The following ZFAND4 variants were observed in gnomAD, a reference collection of about 807,000 sequenced individuals.
ZFAND4 encodes zinc finger AN1-type containing 4, also known as AN1-type zinc finger protein 4.
Under a neutral mutation model 64.4 loss-of-function variants are expected in ZFAND4, and 43 were observed. That is an observed-to-expected ratio of 0.67 (90% CI 0.52 to 0.86). ZFAND4 has a LOEUF of 0.86. ZFAND4 is among the 40% of genes least tolerant of loss of function. ZFAND4 has a pLI of 0.00. For synonymous variants in ZFAND4, 296 were observed against 305.7 expected, an observed-to-expected ratio of 0.97 and a Z score of 0.33; for missense variants, 929 against 859.8, an observed-to-expected ratio of 1.08 and a Z score of -1.01.
chr10:45,649,650 A>G (rs2047629086), intron 4 of ZFAND4: 2 of 152,226 alleles, frequency 1.3e-5, no homozygotes, highest in African/African-American at 2.4e-5. Flanking sequence ...CTTTATGAAA[A>G]CAGTTATTTG....
At chr10:45,616,906 C>T (rs1311105477) in intron 9 of ZFAND4, among the ~76,000 whole-genome samples, 1 of 151,916 alleles carries the variant, frequency 6.6e-6, no homozygotes, top group Non-Finnish European at 1.5e-5. Context: ...TGATGAAAAC[C>T]CATCTCTATT....
chr10:45,637,351 A>AG lies in ZFAND4; in HGVS notation c.717+2464_717+2465insC, dbSNP rs1353986677. 2.0e-5 allele frequency among the ~76,000 whole-genome samples: 3 copies of AG among 151,946 alleles called. No individual in the cohort carries two copies. In the East Asian group the frequency reaches 5.8e-4, roughly 29 times the overall value. ...CAAGACTCCGTCTCAAAAAAAAAAA[A>AG]AAAAAAAATTTCAGCTGGACTAAAC... On this transcript the variant is annotated intron_variant, in intron 6 of 9. Coordinates refer to ENST00000344646, the MANE Select transcript of ZFAND4 (RefSeq NM_174890.4).
Position 45,639,834 on chromosome 10 carries a change from G to T in ZFAND4, c.699C>A (p.Asn233Lys), listed in dbSNP as rs775811496. The T allele has an allele frequency of 1.6e-5, 26 of 1,611,000 alleles. No individual in the cohort carries two copies. The highest frequency in any genetic ancestry group is 2.1e-5 in the Non-Finnish European group (25 of 1,179,178). ...GCTTCACCTTTTTGCTGAGATTCAT[G>T]TTCTTCATCTTAGCCTTCAGCAGCT... ...KMKLLKAKMK[N>K]MNLSKKPKKA... Residue 233 changes from asparagine to lysine, a missense_variant, in exon 6 of 10, where the codon AAC (asparagine) becomes AAA (lysine). Asn to Lys is a moderately conservative substitution (Grantham distance 94, BLOSUM62 0). Coordinates refer to ENST00000344646, the MANE Select transcript of ZFAND4 (RefSeq NM_174890.4).
intron 6 of ZFAND4, among the ~76,000 whole-genome samples, chr10:45,630,368 A>G (rs1045649957): frequency 1.3e-5 from 2 of 152,166 alleles, no homozygotes; most frequent in African/African-American, 4.8e-5. Flanking sequence ...ATCATCTCAG[A>G]AATGAAGACT....
intron 6 of ZFAND4, among the ~76,000 whole-genome samples, chr10:45,635,213 A>ACAAAAAAAAAAAAAAAAAAAAAAAAAC (rs2046493860): frequency 7.1e-6 from 1 of 141,544 alleles, no homozygotes; most frequent in Non-Finnish European, 1.5e-5. Flanking sequence ...AAAAAAAAAA[A>ACAAAAAAAAAAAAAAAAAAAAAAAAAC]CAAAAAAAAA....
At chr10:45,619,871 G>A (rs2045285958) in intron 8 of ZFAND4, among the ~76,000 whole-genome samples, 1 of 152,110 alleles carries the variant, frequency 6.6e-6, no homozygotes, top group South Asian at 2.1e-4. Flanking sequence ...GTTAATAAAC[G>A]TTTTCTTTCT....
intron 2 of ZFAND4, among the ~76,000 whole-genome samples, chr10:45,662,246 TG>T: frequency 6.6e-6 from 1 of 152,354 alleles, no homozygotes; most frequent in African/African-American, 2.4e-5. Flanking sequence ...CCACTGCTTT[TG>T]TCCCCACAAT....
chr10:45,647,793 T>C (rs1171019545), intron 5 of ZFAND4, among the ~76,000 whole-genome samples: 1 of 152,166 alleles, frequency 6.6e-6, no homozygotes, highest in Non-Finnish European at 1.5e-5. Flanking sequence ...AAAAAAATCA[T>C]AGTAACTCAG....
intron 6 of ZFAND4, among the ~76,000 whole-genome samples, chr10:45,637,626 C>T (rs762709331): frequency 6.6e-6 from 1 of 151,302 alleles, no homozygotes; most frequent in African/African-American, 2.4e-5. Context: ...GATGCGCACC[C>T]GTAATCCCAG....
At chr10:45,634,456 G>A (rs1355950671) in intron 6 of ZFAND4, among the ~76,000 whole-genome samples, 2 of 151,102 alleles carry the variant, frequency 1.3e-5, no homozygotes, top group African/African-American at 4.9e-5. Flanking sequence ...TTGAACCCAG[G>A]AGGTGGAGGT....
chr10:45,621,245 T>C (rs1447031508), intron 8 of ZFAND4, among the ~76,000 whole-genome samples: 1 of 152,108 alleles, frequency 6.6e-6, no homozygotes, highest in Non-Finnish European at 1.5e-5. Flanking sequence ...GTCAATTAAA[T>C]GAAACTTGCA....
At chr10:45,652,060 T>C in intron 3 of ZFAND4, 27 bp from the exon 4 acceptor site, 3 of 1,609,720 alleles carry the variant, frequency 1.9e-6, no homozygotes, top group Non-Finnish European at 2.5e-6. Context: ...CAAAAATAAA[T>C]CATAATCATC....
chr10:45,642,103 T>G (rs560971277), intron 5 of ZFAND4, among the ~76,000 whole-genome samples: 1 of 152,230 alleles, frequency 6.6e-6, no homozygotes, highest in South Asian at 2.1e-4. Flanking sequence ...CCCTGTGGAG[T>G]TAGAAGGAAT....
chr10:45,638,363 G>A (rs906091888), intron 6 of ZFAND4, among the ~76,000 whole-genome samples: 22 of 151,182 alleles, frequency 1.5e-4, no homozygotes, highest in East Asian at 7.8e-4. Flanking sequence ...GCGTAGTGGC[G>A]GGCGCCTGTG....
chr10:45,639,183 CA>C (rs1002277868), intron 6 of ZFAND4, among the ~76,000 whole-genome samples: 2 of 151,114 alleles, frequency 1.3e-5, no homozygotes, highest in African/African-American at 4.9e-5. Context: ...TATAAAACTC[CA>C]AAAAAAATCT....
In ZFAND4 at chr10:45,626,938, T is replaced by G; in HGVS notation, c.885A>C (p.Gly295=). The G allele has an allele frequency of 6.2e-7, 1 of 1,614,224 alleles. No individual in the cohort carries two copies. Among genetic ancestry groups the G allele is most frequent in the Non-Finnish European group, 8.5e-7 (1 of 1,180,032 alleles). The change falls in exon 7 of 10, where the codon GGA becomes GGC. Residue 295 remains glycine (G), a synonymous_variant. Coordinates refer to ENST00000344646, the MANE Select transcript of ZFAND4 (RefSeq NM_174890.4). ...AGAGTTGAGTTGCCAAACTTGAAAT[T>G]CCATTCCTGGAGATTTCGGGCGGAT... is the stretch of plus-strand genomic sequence containing the variant. ...NAYPPEISRN[G]ISSLATQLSA...
intron 3 of ZFAND4, among the ~76,000 whole-genome samples, chr10:45,652,630 T>A (rs2047832739): frequency 6.6e-6 from 1 of 151,940 alleles, no homozygotes; most frequent in Admixed American, 6.6e-5. Flanking sequence ...TTCTCTCTTA[T>A]CCAAAACTCT....
At chr10:45,670,165 T>C (rs979160186) in intron 1 of ZFAND4, among the ~76,000 whole-genome samples, 2 of 151,738 alleles carry the variant, frequency 1.3e-5, no homozygotes, top group African/African-American at 4.8e-5. Flanking sequence ...CTTAAGCTGA[T>C]AAACAACTTA....
At chr10:45,659,632 T>A (rs1316958394) in intron 2 of ZFAND4, among the ~76,000 whole-genome samples, 1 of 151,988 alleles carries the variant, frequency 6.6e-6, no homozygotes, top group Non-Finnish European at 1.5e-5. Context: ...AAAACTAGCA[T>A]CAGAAATAGA....
Sources: allele counts gnomAD v4.1 joint callset (sites outside exome capture counted in the v4.1 genomes callset), GRCh38; gene constraint gnomAD v4.1.1; transcripts MANE v1.5; gene names NCBI Gene and HGNC (gene_info 2026-07-23, HGNC 2026-07-21).